Variants in SLC7A2 observed in about 807,000 individuals in gnomAD.
The protein encoded by SLC7A2 is cationic amino acid transporter 2.
A neutral mutation model predicts 58.9 loss-of-function variants in SLC7A2; 48 were observed. That is an observed-to-expected ratio of 0.82 (90% CI 0.65 to 1.04). SLC7A2 has a LOEUF of 1.04. SLC7A2 is among the 50% of genes least tolerant of loss of function. The pLI is 0.00. For synonymous variants in SLC7A2, 363 were observed against 314.5 expected (o/e 1.15, Z -1.63); for missense variants, 1,029 against 818.8 (o/e 1.26, Z -3.13).
chr8:17,525,417 C>T (rs1801184157), intron 2 of SLC7A2, among the ~76,000 whole-genome samples: 2 of 152,118 alleles, frequency 1.3e-5, no homozygotes, highest in Non-Finnish European at 2.9e-5. Flanking sequence ...GGCCAAAAAT[C>T]ACAGTGGCAA....
At chr8:17,530,187 C>G (rs1303862970) in intron 2 of SLC7A2, among the ~76,000 whole-genome samples, 1 of 152,140 alleles carries the variant, frequency 6.6e-6, no homozygotes, top group Admixed American at 6.6e-5. Flanking sequence ...CCCTGCCCCC[C>G]ATCCCCGGTC....
At chr8:17,550,223 G>T in intron 5 of SLC7A2, 78 bp from the exon 6 acceptor site, 1 of 1,365,530 alleles carries the variant, frequency 7.3e-7, no homozygotes, top group Non-Finnish European at 1.0e-6. Context: ...ACCTTCCAAG[G>T]ATATAGTCTG....
intron 2 of SLC7A2, among the ~76,000 whole-genome samples, chr8:17,505,849 T>G (rs1461945854): frequency 6.6e-6 from 1 of 152,170 alleles, no homozygotes; most frequent in East Asian, 1.9e-4. Context: ...TGAATCATAC[T>G]AAAGACCAGT....
At chr8:17,518,637 G>C (rs1800894460) in intron 2 of SLC7A2, among the ~76,000 whole-genome samples, 2 of 141,130 alleles carry the variant, frequency 1.4e-5, no homozygotes, top group Admixed American at 7.2e-5. Flanking sequence ...AAAACCATTA[G>C]CAAAAGACAA....
At chr8:17,503,875 G>A (rs1563430831) in intron 2 of SLC7A2, among the ~76,000 whole-genome samples, 1 of 152,146 alleles carries the variant, frequency 6.6e-6, no homozygotes, top group Non-Finnish European at 1.5e-5. Context: ...GCAATTGTTT[G>A]GGAGACGTCT....
chr8:17,569,570 A>G lies in SLC7A2; in HGVS notation c.*4424A>G, dbSNP rs1397385593. 1.3e-5 allele frequency: 2 copies of G among 151,848 alleles called. No homozygotes were observed. Among genetic ancestry groups the G allele is most frequent in the Non-Finnish European group, 2.9e-5 (2 of 67,980 alleles). The allele number at this position is 151,848 out of a possible 1,614,324, so 9.4% of individuals were successfully genotyped here. On this transcript the variant is annotated 3_prime_UTR_variant, in exon 13 of 13. Coordinates refer to ENST00000494857, the MANE Select transcript of SLC7A2 (RefSeq NM_001370338.1). The stretch of plus-strand genomic sequence containing the variant: ...TTTTGGGGAGATTTTTTTTCCTTAC[A>G]TGATTATATTAAACACTTTAAAATA...
At chr8:17,534,283 A>G (rs1218194634) in intron 2 of SLC7A2, among the ~76,000 whole-genome samples, 1 of 152,202 alleles carries the variant, frequency 6.6e-6, no homozygotes, top group African/African-American at 2.4e-5. Context: ...TCAAAGTGGA[A>G]TTAAGGTAAT....
intron 2 of SLC7A2, among the ~76,000 whole-genome samples, chr8:17,502,765 A>G (rs1800215186): frequency 6.6e-6 from 1 of 152,126 alleles, no homozygotes; most frequent in East Asian, 1.9e-4. Flanking sequence ...TCACTTCACA[A>G]GGTTTTTGTT....
chr8:17,499,340 T>C (rs1203412541), intron 1 of SLC7A2: 1 of 148,954 alleles, frequency 6.7e-6, no homozygotes, highest in Non-Finnish European at 1.5e-5. Context: ...CCTCTCTCTC[T>C]GTCTCTCTCT....
intron 2 of SLC7A2, among the ~76,000 whole-genome samples, chr8:17,523,440 A>T (rs13277576): frequency 0.14 from 20,987 of 152,208 alleles, 1,624 homozygotes; most frequent in East Asian, 0.3. Context: ...AACAGAATAG[A>T]GAACCTAGAA....
chr8:17,561,971 T>C lies in SLC7A2; in HGVS notation c.1532T>C (p.Leu511Ser). Reference sequence around the variant, plus strand: ...TTCCTCGTGTTGGGCCTGAGTGTCTTGACCACTTACGGAGTTCATGCCATC... The same window carrying C: ...TTCCTCGTGTTGGGCCTGAGTGTCTCGACCACTTACGGAGTTCATGCCATC... Reference protein sequence around the residue: ...LAFLVLGLSVLTTYGVHAITR... With the variant: ...LAFLVLGLSVSTTYGVHAITR... Residue 511 changes from leucine (L) to serine (S), a missense_variant, in exon 11 of 13, where the codon TTG becomes TCG. By Grantham distance (145) the Leu-to-Ser change is moderately radical. Transcript: ENST00000494857. 1.2e-6 allele frequency: 2 copies of C among 1,614,160 alleles called. No homozygotes were observed. The highest frequency in any genetic ancestry group is 1.7e-6 in the Non-Finnish European group (2 of 1,180,032).
intron 2 of SLC7A2, among the ~76,000 whole-genome samples, chr8:17,524,457 C>G (rs1263986383): frequency 7.0e-6 from 1 of 143,872 alleles, no homozygotes; most frequent in Admixed American, 7.0e-5. Flanking sequence ...CACACACACA[C>G]CATGGAATAC....
rs530860298 is a variant in SLC7A2, at chr8:17,501,544, T to C, written c.-68-713T>C. Reference sequence around the variant, plus strand: ...AATCTCTCTCTTCAGAGACATGTGGTCCCCTGTTATTCTGGGTGTGTATGG... The same window carrying C: ...AATCTCTCTCTTCAGAGACATGTGGCCCCCTGTTATTCTGGGTGTGTATGG... On this transcript the variant is annotated intron_variant, in intron 1 of 12. Transcript: ENST00000494857. Among the ~76,000 whole-genome samples the C allele has an allele frequency of 7.9e-4, 120 of 152,228 alleles. 1 individual carries two copies. The highest frequency in any genetic ancestry group is 2.8e-3 in the African/African-American group (118 of 41,546).
In SLC7A2 at chr8:17,568,771, C is replaced by G. The variant is rs1379415547; in HGVS notation, c.*3625C>G. 1.3e-5 allele frequency: 2 copies of G among 151,256 alleles called. No individual in the cohort carries two copies. The highest frequency in any genetic ancestry group is 2.9e-5 in the Non-Finnish European group (2 of 67,910). The allele number at this position is 151,256 out of a possible 1,614,324, so 9.4% of individuals were successfully genotyped here. On this transcript the variant is annotated 3_prime_UTR_variant, in exon 13 of 13. Coordinates refer to ENST00000494857, the MANE Select transcript of SLC7A2 (RefSeq NM_001370338.1). ...TTGAGCCCAGGAGTTTAAGACCGGC[C>G]TGAGTAGCATAGCAAGACCCTGTCT...
Position 17,566,335 on chromosome 8 carries a change from CCT to C in SLC7A2, c.*1190_*1191del, listed in dbSNP as rs1276361274. On this transcript the variant is annotated 3_prime_UTR_variant, in exon 13 of 13. Transcript: ENST00000494857. ...AAGGGATAGAAGAAGAGAAAATCCC[CCT>C]GTTCTGATAGGAACGGCCTGTTCCA... is the stretch of plus-strand genomic sequence containing the variant. 45 of 152,260 alleles carry C rather than the reference CCT, an allele frequency of 3.0e-4. No homozygotes were observed. Among genetic ancestry groups the C allele is most frequent in the African/African-American group, 1.1e-3 (44 of 41,556 alleles). 9.4% of individuals were successfully genotyped at this position (152,260 alleles called of 1,614,324 possible). A position where few individuals can be genotyped will look rare whatever the true frequency, so the allele number is the denominator to read the frequency against.
At position 17,513,494 on chromosome 8, in the gene SLC7A2, A is replaced by T. The variant is rs79379890; in HGVS notation, c.-23+11192A>T. Among the ~76,000 whole-genome samples, 470 of 152,336 alleles carry T rather than the reference A, an allele frequency of 3.1e-3. 2 individuals are homozygous for T. The highest frequency in any genetic ancestry group is 0.011 in the African/African-American group (437 of 41,564). On this transcript the variant is annotated intron_variant, in intron 2 of 12. Coordinates refer to ENST00000494857, the MANE Select transcript of SLC7A2 (RefSeq NM_001370338.1). ...TGGTTTGTTTCCATGATTTTAAAAG[A>T]TAGAAAAAGTTCCATTTATTTTAAA...
chr8:17,500,799 TAC>T (rs60002166), intron 1 of SLC7A2, among the ~76,000 whole-genome samples: 8,515 of 146,064 alleles, frequency 0.058, 262 homozygotes, highest in Middle Eastern at 0.067. Flanking sequence ...AACACACACA[TAC>T]ACACACACAC....
At chr8:17,507,265 G>A (rs1373550399) in intron 2 of SLC7A2, among the ~76,000 whole-genome samples, 1 of 152,080 alleles carries the variant, frequency 6.6e-6, no homozygotes, top group Non-Finnish European at 1.5e-5. Flanking sequence ...TTTTAAATTG[G>A]GGATCAGTAC....
chr8:17,559,879 A>C (rs1291005904), intron 9 of SLC7A2, among the ~76,000 whole-genome samples: 1 of 152,188 alleles, frequency 6.6e-6, no homozygotes, highest in Non-Finnish European at 1.5e-5. Context: ...GTTTAGCTAG[A>C]AGAATCGGTA....
Sources: gnomAD v4.1 joint callset for allele counts (sites outside exome capture counted in the v4.1 genomes callset) on GRCh38, gnomAD v4.1.1 for gene constraint, MANE v1.5 for transcripts, NCBI Gene and HGNC (gene_info 2026-07-23, HGNC 2026-07-21) for gene names.